IPO7: variants seen among roughly 807,000 people sequenced by gnomAD.
The protein encoded by IPO7 is importin-7.
A neutral mutation model predicts 136.4 loss-of-function variants in IPO7; 13 were observed. The ratio of observed to expected loss-of-function variants is 0.10; its 90% CI spans 0.06 to 0.15. IPO7 has a LOEUF of 0.15. Among genes scored for constraint, IPO7 ranks in the 10% least tolerant of loss-of-function variants. IPO7 has a pLI of 1.00. For missense variants in IPO7, 857 were observed against 1,240.6 expected (o/e 0.69, Z 4.65); for synonymous variants, 403 against 404.4 (o/e 1.00, Z 0.04).
intron 12 of IPO7, among the ~76,000 whole-genome samples, chr11:9,427,169 G>A (rs1254593756): frequency 6.6e-6 from 1 of 152,140 alleles, no homozygotes; most frequent in African/African-American, 2.4e-5. Context: ...TTTTAATTGG[G>A]TTATTTGTCT....
chr11:9,424,337 C>T (rs1441871934), intron 10 of IPO7, among the ~76,000 whole-genome samples: 1 of 152,096 alleles, frequency 6.6e-6, no homozygotes, highest in Non-Finnish European at 1.5e-5. Context: ...TTTTGTGACC[C>T]TGTTGTGAAA....
intron 4 of IPO7, among the ~76,000 whole-genome samples, chr11:9,410,683 G>C (rs1395310391): frequency 1.3e-5 from 2 of 152,176 alleles, no homozygotes; most frequent in East Asian, 3.9e-4. Context: ...CTTGTTTTAG[G>C]GATCAGGAAA....
At chr11:9,439,247 C>G (rs771010213) in intron 22 of IPO7, among the ~76,000 whole-genome samples, 1 of 152,128 alleles carries the variant, frequency 6.6e-6, no homozygotes, top group Non-Finnish European at 1.5e-5. Flanking sequence ...CCCCAGATAG[C>G]TGGGATTATA....
intron 3 of IPO7, 30 bp downstream of exon 3, chr11:9,408,669 G>A: frequency 7.5e-7 from 1 of 1,335,540 alleles, no homozygotes; most frequent in East Asian, 2.8e-5. Flanking sequence ...ACCCATTTCT[G>A]CAGGTGTGTA....
rs201962761 is a variant in IPO7, at chr11:9,430,902, A to G, written c.1780A>G (p.Thr594Ala). ...LAMTFNQVIQTGPDEEGSDDK... is the reference protein window; with the variant it reads ...LAMTFNQVIQAGPDEEGSDDK... The stretch of plus-strand genomic sequence containing the variant: ...AATGACATTTAACCAAGTAATCCAG[A>G]CGGGGCCAGATGAAGAAGGTAGTGA... The change falls in exon 16 of 25, where the codon ACG becomes GCG. Residue 594 changes from threonine to alanine, a missense_variant. Coordinates refer to ENST00000379719, the MANE Select transcript of IPO7 (RefSeq NM_006391.3). 6.2e-7 allele frequency: 1 copy of G among 1,612,082 alleles called. No individual in the cohort carries two copies. Among genetic ancestry groups the G allele is most frequent in the Non-Finnish European group, 8.5e-7 (1 of 1,179,192 alleles).
chr11:9,437,043 C>G (rs1014473736), intron 20 of IPO7, among the ~76,000 whole-genome samples: 1 of 149,312 alleles, frequency 6.7e-6, no homozygotes, highest in African/African-American at 2.5e-5. Context: ...TGCCACCACA[C>G]CTGGCTAATT....
At chr11:9,406,238 A>G (rs1382997160) in intron 2 of IPO7, among the ~76,000 whole-genome samples, 1 of 150,590 alleles carries the variant, frequency 6.6e-6, no homozygotes, top group Non-Finnish European at 1.5e-5. Context: ...GCTGACCTCA[A>G]GTGATCCTCT....
intron 15 of IPO7, 23 bp from the exon 16 acceptor site, chr11:9,430,852 G>T: frequency 6.2e-7 from 1 of 1,606,212 alleles, no homozygotes. Flanking sequence ...TGACAAACTT[G>T]AGTTATATTC....
intron 23 of IPO7, among the ~76,000 whole-genome samples, chr11:9,441,824 G>A (rs998603845): frequency 5.3e-5 from 8 of 152,152 alleles, no homozygotes; most frequent in Non-Finnish European, 1.0e-4. Flanking sequence ...AACTAGTTAG[G>A]CTGAGTCCTT....
chr11:9,434,832 A>G (rs1855348182), intron 18 of IPO7, 102 bp from the exon 19 acceptor site: 1 of 775,972 alleles, frequency 1.3e-6, no homozygotes, highest in African/African-American at 1.7e-5. Flanking sequence ...GTTAGAGACA[A>G]AATGATCTCA....
intron 14 of IPO7, 29 bp downstream of exon 14, chr11:9,429,225 T>A (rs1487169094): frequency 6.3e-7 from 1 of 1,593,006 alleles, no homozygotes; most frequent in East Asian, 2.2e-5. Flanking sequence ...TCAAGAAAAG[T>A]GAATGTTGGC....
Position 9,429,689 on chromosome 11 carries a change from C to T in IPO7, c.1607C>T (p.Thr536Ile). ...TCTCTTACAGCTAAAGAATATATCA[C>T]ACCATTCATCAGACCTGTAATGCAG... ...SNQEKAKEYI[T>I]PFIRPVMQAL... The change falls in exon 15 of 25, where the codon ACA becomes ATA. Residue 536 changes from threonine (T) to isoleucine (I), a missense_variant. By Grantham distance (89) the Thr-to-Ile change is moderately conservative. Transcript: ENST00000379719. 1 of 1,606,970 alleles carries T rather than the reference C, an allele frequency of 6.2e-7. No homozygotes were observed. Among genetic ancestry groups the T allele is most frequent in the Non-Finnish European group, 8.5e-7 (1 of 1,178,418 alleles).
intron 22 of IPO7, among the ~76,000 whole-genome samples, chr11:9,439,557 TG>T (rs1009957838): frequency 5.9e-5 from 9 of 151,996 alleles, no homozygotes; most frequent in African/African-American, 2.2e-4. Context: ...ACAAGATTTA[TG>T]GGGGTTTTTT....
intron 1 of IPO7, among the ~76,000 whole-genome samples, chr11:9,392,556 G>A (rs534541480): frequency 2.0e-5 from 3 of 152,180 alleles, no homozygotes; most frequent in East Asian, 1.9e-4. Flanking sequence ...CTGATAGCAC[G>A]GGATTCTTCT....
At chr11:9,403,534 T>A in intron 2 of IPO7, 163 bp downstream of exon 2, 1 of 562,226 alleles carries the variant, frequency 1.8e-6, no homozygotes, top group South Asian at 2.5e-5. Context: ...TGATATCTGG[T>A]GGCAGAGTTT....
In IPO7 at chr11:9,447,751, CTTTT is replaced by C. The variant is rs200756964; in HGVS notation, c.*2563_*2566del. On this transcript the variant is annotated 3_prime_UTR_variant, in exon 25 of 25. Coordinates refer to ENST00000379719, the MANE Select transcript of IPO7 (RefSeq NM_006391.3). ...AATCACTTTTGTAAATGTAAGCTTT[CTTTT>C]TTTTTCTTGAAAAAGCCTTTCTATT... 6.6e-6 allele frequency: 1 copy of C among 150,732 alleles called. No individual in the cohort carries two copies. Among genetic ancestry groups the C allele is most frequent in the South Asian group, 2.1e-4 (1 of 4,776 alleles). The allele number at this position is 150,732 out of a possible 1,614,324, so 9.3% of individuals were successfully genotyped here. A position where few individuals can be genotyped will look rare whatever the true frequency, so the allele number is the denominator to read the frequency against.
At chr11:9,412,434 A>G (rs1275871948) in intron 4 of IPO7, among the ~76,000 whole-genome samples, 6 of 152,336 alleles carry the variant, frequency 3.9e-5, no homozygotes, top group African/African-American at 1.4e-4. Flanking sequence ...TATCTGTTCC[A>G]AAAAGATAAG....
chr11:9,384,904 C>T (rs1051884942), intron 1 of IPO7, 57 bp downstream of exon 1: 45 of 1,398,446 alleles, frequency 3.2e-5, no homozygotes, highest in Non-Finnish European at 3.9e-5. Flanking sequence ...AAGTGGCAGG[C>T]CGAGCCCCCG....
rs1175378441 is a variant in IPO7 at position 9,423,048 on chromosome 11, A to G, written c.949A>G (p.Met317Val). The change falls in exon 9 of 25, where the codon ATG becomes GTG. Residue 317 changes from methionine to valine, a missense_variant. Transcript: ENST00000379719. ...VLYQYKEKQY[M>V]APRVLQQTLN... ...ATATCAGTACAAGGAGAAGCAATAT[A>G]TGGCTCCTCGAGTTTTACAACAGAC... The G allele has an allele frequency of 5.6e-6, 9 of 1,604,966 alleles. No homozygotes were observed. Among genetic ancestry groups the G allele is most frequent in the Non-Finnish European group, 7.7e-6 (9 of 1,173,958 alleles).
Sources: gnomAD v4.1 joint callset for allele counts (sites outside exome capture counted in the v4.1 genomes callset) on GRCh38, gnomAD v4.1.1 for gene constraint, MANE v1.5 for transcripts, NCBI Gene and HGNC (gene_info 2026-07-23, HGNC 2026-07-21) for gene names.